The following ATAD2B variants were observed in gnomAD, a reference collection of about 807,000 sequenced individuals.
ATAD2B encodes the protein ATPase family AAA domain containing 2B.
ATAD2B carries 40 observed loss-of-function variants against 167.6 expected under a neutral mutation model. The observed-to-expected ratio is 0.24, with a 90% CI of 0.19 to 0.31. The LOEUF is 0.31. Ranked by LOEUF, ATAD2B falls within the 10% of genes least tolerant of loss-of-function variation. The pLI, the probability that ATAD2B is intolerant of heterozygous loss-of-function variation, is 1.00. For synonymous variants in ATAD2B, 579 were observed against 596.5 expected, an observed-to-expected ratio of 0.97 and a Z score of 0.43; for missense variants, 1,242 against 1,757.2, an observed-to-expected ratio of 0.71 and a Z score of 5.24.
the ATAD2B span, among the ~76,000 whole-genome samples, chr2:23,719,711 A>G: frequency 2.0e-5 from 3 of 152,300 alleles, 1 homozygote; most frequent in Admixed American, 2.0e-4. Context: ...ATTAAGGTGG[A>G]CAACCAGCTT....
the ATAD2B span, among the ~76,000 whole-genome samples, chr2:23,702,944 A>G: frequency 6.6e-6 from 1 of 151,210 alleles, no homozygotes; most frequent in South Asian, 2.1e-4. Context: ...TTCTGCACAG[A>G]CGCTGCCATA....
downstream of ATAD2B, among the ~76,000 whole-genome samples, chr2:23,747,266 T>C (rs914626601): frequency 1.3e-5 from 2 of 151,686 alleles, no homozygotes; most frequent in Admixed American, 6.6e-5. Flanking sequence ...GTACAAAACA[T>C]AGCTAATTTC....
chr2:23,869,656 T>A lies in ATAD2B; in HGVS notation c.1076+7A>T. On this transcript the variant is annotated splice_region_variant and intron_variant, in intron 9 of 27. Coordinates refer to ENST00000238789, the MANE Select transcript of ATAD2B (RefSeq NM_017552.4). ...ACCATGGAAATAACATTACAAATTT[T>A]ACTAACCTATTTCTTGCTCTTGCCA... 1 of 1,542,646 alleles carries A rather than the reference T, an allele frequency of 6.5e-7. No homozygotes were observed. The highest frequency in any genetic ancestry group is 8.8e-7 in the Non-Finnish European group (1 of 1,136,594).
intron 13 of ATAD2B, among the ~76,000 whole-genome samples, chr2:23,837,525 A>C (rs549464439): frequency 6.6e-6 from 1 of 152,166 alleles, no homozygotes; most frequent in African/African-American, 2.4e-5. Context: ...CCACCGACTC[A>C]AAAGGGGTGG....
At chr2:23,745,322 C>T (rs1464876222), downstream of ATAD2B, among the ~76,000 whole-genome samples, 3 of 133,540 alleles carry the variant, frequency 2.2e-5, no homozygotes, top group Non-Finnish European at 3.1e-5. Flanking sequence ...AGAAAGCAAG[C>T]GAGAAAGAGA....
At position 23,926,563 on chromosome 2, in the gene ATAD2B, C is replaced by T. The variant is rs763125289; in HGVS notation, c.208G>A (p.Glu70Lys). 6 of 1,551,838 alleles carry T rather than the reference C, an allele frequency of 3.9e-6. No homozygotes were observed. Among genetic ancestry groups the T allele is most frequent in the Admixed American group, 1.9e-5 (1 of 51,552 alleles). The part of the protein sequence containing the change: ...GSGGAGVTLD[E>K]ARKVEVDGSL... ...GGACGCCGCGCTCTTACCCTGGCCTCATCCAGAGTGACGCCGGCGCCACCG... is the reference window on the plus strand; with the variant it reads ...GGACGCCGCGCTCTTACCCTGGCCTTATCCAGAGTGACGCCGGCGCCACCG... The change falls in exon 1 of 28, where the codon GAG becomes AAG. Residue 70 changes from glutamate to lysine, a missense_variant. Coordinates refer to ENST00000238789, the MANE Select transcript of ATAD2B (RefSeq NM_017552.4).
At chr2:23,732,061 A>G in the ATAD2B span, among the ~76,000 whole-genome samples, 6 of 152,204 alleles carry the variant, frequency 3.9e-5, no homozygotes, top group Non-Finnish European at 1.5e-5. Flanking sequence ...GCATTTTGAC[A>G]CAGCACATCT....
At chr2:23,770,567 T>C (rs1388087772) in intron 22 of ATAD2B, among the ~76,000 whole-genome samples, 1 of 152,216 alleles carries the variant, frequency 6.6e-6, no homozygotes, top group East Asian at 1.9e-4. Context: ...CATGCTGATA[T>C]CCAATTGTTC....
rs746982401 is a variant in ATAD2B at position 23,758,108 on chromosome 2, T to C, written c.3395-7A>G. ...GATTTTCTCCGAACCCGAACTGTTTTACAAGGAAGGAAAAAAGATATGTAG... is the reference window on the plus strand; with the variant it reads ...GATTTTCTCCGAACCCGAACTGTTTCACAAGGAAGGAAAAAAGATATGTAG... On this transcript the variant is annotated splice_region_variant and splice_polypyrimidine_tract_variant and intron_variant, in intron 24 of 27. Coordinates refer to ENST00000238789, the MANE Select transcript of ATAD2B (RefSeq NM_017552.4). 19 of 1,540,908 alleles carry C rather than the reference T, an allele frequency of 1.2e-5. No homozygotes were observed. The highest frequency in any genetic ancestry group is 1.6e-5 in the Non-Finnish European group (19 of 1,155,482).
At chr2:23,824,527 T>C (rs920989725) in intron 15 of ATAD2B, among the ~76,000 whole-genome samples, 2 of 152,246 alleles carry the variant, frequency 1.3e-5, no homozygotes, top group Non-Finnish European at 2.9e-5. Flanking sequence ...AAAATTGTAA[T>C]TCATCTGATA....
At chr2:23,871,825 T>C (rs1696021916) in intron 8 of ATAD2B, among the ~76,000 whole-genome samples, 2 of 152,176 alleles carry the variant, frequency 1.3e-5, no homozygotes, top group Admixed American at 6.5e-5. Flanking sequence ...TCGGAATCCT[T>C]TCATTAACTT....
chr2:23,882,955 G>A (rs1698165231), intron 6 of ATAD2B, among the ~76,000 whole-genome samples: 1 of 152,104 alleles, frequency 6.6e-6, no homozygotes, highest in South Asian at 2.1e-4. Context: ...AAAGCTGGCA[G>A]TGATACTTAG....
chr2:23,693,563 G>A, the ATAD2B span: 1 of 1,533,882 alleles, frequency 6.5e-7, no homozygotes, highest in Non-Finnish European at 8.8e-7. Flanking sequence ...CCTTCTCTCT[G>A]GGTTTGGGGT....
chr2:23,841,429 T>C (rs74709729), intron 13 of ATAD2B, among the ~76,000 whole-genome samples: 8 of 152,328 alleles, frequency 5.3e-5, no homozygotes, highest in African/African-American at 1.9e-4. Context: ...AACAGAATCA[T>C]ACAATAAGTG....
At chr2:23,840,874 T>C (rs945409980) in intron 13 of ATAD2B, among the ~76,000 whole-genome samples, 2 of 152,308 alleles carry the variant, frequency 1.3e-5, no homozygotes, top group African/African-American at 4.8e-5. Flanking sequence ...TTGTTTTACA[T>C]AGTTTGAACT....
At chr2:23,896,088 G>A in intron 1 of ATAD2B, 118 bp from the exon 2 acceptor site, 1 of 705,852 alleles carries the variant, frequency 1.4e-6, no homozygotes, top group Non-Finnish European at 2.2e-6. Flanking sequence ...TGGCCGAGGT[G>A]GGCGATCACT....
intron 2 of ATAD2B, among the ~76,000 whole-genome samples, chr2:23,895,529 C>T (rs1032811395): frequency 5.3e-5 from 8 of 151,752 alleles, no homozygotes; most frequent in African/African-American, 1.9e-4. Context: ...TAACTCTGAC[C>T]ATATGTTTTA....
chr2:23,725,996 C>G, the ATAD2B span, among the ~76,000 whole-genome samples: 2 of 152,148 alleles, frequency 1.3e-5, no homozygotes, highest in Admixed American at 6.5e-5. Flanking sequence ...TGACACTACA[C>G]ACACACACCC....
chr2:23,781,390 C>A (rs1680034978), intron 22 of ATAD2B, among the ~76,000 whole-genome samples: 1 of 151,154 alleles, frequency 6.6e-6, no homozygotes, highest in Non-Finnish European at 1.5e-5. Flanking sequence ...TCAGGCTGGG[C>A]ACAGTGGCTC....
Sources: gnomAD v4.1 joint callset for allele counts (sites outside exome capture counted in the v4.1 genomes callset) on GRCh38, gnomAD v4.1.1 for gene constraint, MANE v1.5 for transcripts, NCBI Gene and HGNC (gene_info 2026-07-23, HGNC 2026-07-21) for gene names.